The following SULF1 variants were observed in gnomAD, a reference collection of about 807,000 sequenced individuals.
SULF1 encodes the protein sulfatase 1.
A neutral mutation model predicts 110.5 loss-of-function variants in SULF1; 46 were observed. The observed-to-expected ratio is 0.42, with a 90% CI of 0.33 to 0.53. SULF1 has a LOEUF of 0.53. Among genes scored for constraint, SULF1 ranks in the 20% least tolerant of loss-of-function variants. The pLI is 0.12. For synonymous variants in SULF1, 371 were observed against 387.1 expected, an observed-to-expected ratio of 0.96 and a Z score of 0.49; for missense variants, 941 against 1,094.2, an observed-to-expected ratio of 0.86 and a Z score of 1.98.
chr8:69,632,633 AT>A (rs1810666646), intron 19 of SULF1, among the ~76,000 whole-genome samples: 1 of 152,156 alleles, frequency 6.6e-6, no homozygotes, highest in Non-Finnish European at 1.5e-5. Context: ...GTCTCTAAAC[AT>A]TTTTTTATTA....
intron 19 of SULF1, among the ~76,000 whole-genome samples, chr8:69,632,116 C>T (rs1165489993): frequency 6.6e-6 from 1 of 152,170 alleles, no homozygotes; most frequent in Non-Finnish European, 1.5e-5. Context: ...TTTAACAAAG[C>T]TTTGAGTGCC....
intron 18 of SULF1, among the ~76,000 whole-genome samples, chr8:69,629,148 C>A (rs1054767074): frequency 6.6e-6 from 1 of 152,130 alleles, no homozygotes; most frequent in East Asian, 1.9e-4. Context: ...ATTCTTGTGC[C>A]TCATCCTCCC....
rs1188937621 is a variant in SULF1 at position 69,658,365 on chromosome 8, T to C, written c.2586-140T>C. ...CCTGTAACCTAAGGCCACTCTGTGA[T>C]AACAAATGACTAGGGGAAAATGCTT... On this transcript the variant is annotated intron_variant, in intron 22 of 22. Coordinates refer to ENST00000402687, the MANE Select transcript of SULF1 (RefSeq NM_001128205.2). The C allele has an allele frequency of 4.8e-6, 3 of 630,514 alleles. No individual in the cohort carries two copies. In the African/African-American group the frequency reaches 5.5e-5, roughly 12 times the overall value. 39.1% of individuals were successfully genotyped at this position (630,514 alleles called of 1,614,324 possible). A position where few individuals can be genotyped will look rare whatever the true frequency, so the allele number is the denominator to read the frequency against.
chr8:69,560,220 G>A (rs759216780), intron 3 of SULF1, among the ~76,000 whole-genome samples: 1 of 152,170 alleles, frequency 6.6e-6, no homozygotes, highest in Non-Finnish European at 1.5e-5. Flanking sequence ...GGGGATTGGG[G>A]AAGACAGAGG....
intron 3 of SULF1, among the ~76,000 whole-genome samples, chr8:69,528,566 G>C (rs1236049170): frequency 1.3e-5 from 2 of 152,148 alleles, no homozygotes. Context: ...CAGAAAACTG[G>C]AATATTTTGT....
chr8:69,554,457 T>A (rs1814942846), intron 3 of SULF1, among the ~76,000 whole-genome samples: 1 of 152,214 alleles, frequency 6.6e-6, no homozygotes, highest in Admixed American at 6.5e-5. Flanking sequence ...TAAAACTTCA[T>A]AAAGGTTACT....
At chr8:69,626,089 T>G (rs1478032922) in intron 15 of SULF1, 1 of 151,770 alleles carries the variant, frequency 6.6e-6, no homozygotes, top group Non-Finnish European at 1.5e-5. Context: ...TTACAAACCT[T>G]GAGCTAGATA....
chr8:69,587,451 C>T (rs1430809449), intron 7 of SULF1, among the ~76,000 whole-genome samples: 1 of 152,088 alleles, frequency 6.6e-6, no homozygotes, highest in South Asian at 2.1e-4. Context: ...AAGATTAAGT[C>T]CAGCTCCTTT....
chr8:69,524,419 A>G (rs571206926), intron 3 of SULF1, among the ~76,000 whole-genome samples: 19 of 152,230 alleles, frequency 1.2e-4, no homozygotes, highest in African/African-American at 4.1e-4. Context: ...TGAGAGAGGA[A>G]GCAAGAGAGT....
In SULF1 at chr8:69,627,133, A is replaced by G. The variant is rs560972839; in HGVS notation, c.1851-77A>G. On this transcript the variant is annotated intron_variant, in intron 15 of 22. Transcript: ENST00000402687. ...AACATTAAGGATTTTGAGGATTAAA[A>G]TTTCTCTTTGTTATCTTTAGTGTTT... 1.4e-3 allele frequency: 1,599 copies of G among 1,138,626 alleles called. 4 individuals are homozygous for G. The highest frequency in any genetic ancestry group is 1.7e-3 in the Non-Finnish European group (1,279 of 767,318). 70.5% of individuals were successfully genotyped at this position (1,138,626 alleles called of 1,614,324 possible). A position where few individuals can be genotyped will look rare whatever the true frequency, so the allele number is the denominator to read the frequency against.
intron 3 of SULF1, among the ~76,000 whole-genome samples, chr8:69,521,238 A>T (rs2150612938): frequency 6.6e-6 from 1 of 152,258 alleles, no homozygotes; most frequent in Non-Finnish European, 1.5e-5. Context: ...GGCACCTACT[A>T]CATGCAATGC....
chr8:69,600,902 C>A, intron 9 of SULF1, 149 bp downstream of exon 9: 1 of 880,614 alleles, frequency 1.1e-6, no homozygotes, highest in Non-Finnish European at 1.7e-6. Context: ...TGTTTAGTGG[C>A]TTAATCATCC....
intron 3 of SULF1, among the ~76,000 whole-genome samples, chr8:69,515,634 T>C (rs1811876509): frequency 6.6e-6 from 1 of 152,264 alleles, no homozygotes; most frequent in Admixed American, 6.5e-5. Context: ...TTCTACCACA[T>C]GGTCAGACTG....
At chr8:69,616,174 G>A (rs1324937996) in intron 13 of SULF1, among the ~76,000 whole-genome samples, 1 of 144,440 alleles carries the variant, frequency 6.9e-6, no homozygotes, top group East Asian at 2.0e-4. Context: ...ACATATATAT[G>A]TGTATATAAA....
At chr8:69,577,368 C>A (rs1805687289) in intron 6 of SULF1, among the ~76,000 whole-genome samples, 1 of 152,172 alleles carries the variant, frequency 6.6e-6, no homozygotes, top group Non-Finnish European at 1.5e-5. Context: ...TGTTTTATAA[C>A]TGAGGTGGGG....
chr8:69,617,393 ATATATATATATATATATATATATAT>A (rs1809243455), intron 13 of SULF1, among the ~76,000 whole-genome samples: 1 of 8,294 alleles, frequency 1.2e-4, no homozygotes. Context: ...ATATATATAT[ATATATATATATATATATATATATAT>A]ATATATATAT....
rs1337334705 is a variant in SULF1 at position 69,478,555 on chromosome 8, C to A, written c.-391+11605C>A. 2.0e-5 allele frequency among the ~76,000 whole-genome samples: 3 copies of A among 152,262 alleles called. No homozygotes were observed. The East Asian group carries it at 5.8e-4, about 29-fold the overall frequency. On this transcript the variant is annotated intron_variant, in intron 1 of 22. Coordinates refer to the SULF1 transcript ENST00000260128. ...TTTCTGGGCTAGGACTGCCTCCCAT[C>A]ATGGTTCTGCATGTCCAAATTCCAT...
Position 69,629,539 on chromosome 8 carries a change from T to C in SULF1, c.2144T>C (p.Leu715Pro). 1 of 1,613,670 alleles carries C rather than the reference T, an allele frequency of 6.2e-7. No individual in the cohort carries two copies. The highest frequency in any genetic ancestry group is 8.5e-7 in the Non-Finnish European group (1 of 1,179,812). ...CAGGAAGTAGATAGCAAACTGCAAC[T>C]TTTCAAGGAGAACAACCGTAGGAGG... is the stretch of plus-strand genomic sequence containing the variant. The part of the protein sequence containing the change: ...AAQEVDSKLQ[L>P]FKENNRRRKK... Residue 715 changes from leucine to proline, a missense_variant, in exon 19 of 23, where the codon CTT becomes CCT. Physicochemically the swap from Leu to Pro is moderately conservative, Grantham distance 98. Coordinates refer to ENST00000402687, the MANE Select transcript of SULF1 (RefSeq NM_001128205.2).
intron 5 of SULF1, 135 bp downstream of exon 5, chr8:69,564,282 A>C: frequency 1.9e-6 from 2 of 1,041,224 alleles, no homozygotes; most frequent in Non-Finnish European, 2.8e-6. Context: ...TACGCAATGA[A>C]CTTGTATTGA....
Sources: allele counts gnomAD v4.1 joint callset (sites outside exome capture counted in the v4.1 genomes callset), GRCh38; gene constraint gnomAD v4.1.1; transcripts MANE v1.5; gene names NCBI Gene and HGNC (gene_info 2026-07-23, HGNC 2026-07-21).